Variants in SEPTIN9 observed in about 807,000 individuals in gnomAD.
SEPTIN9 encodes the protein septin 9.
SEPTIN9 carries 13 observed loss-of-function variants against 56.6 expected under a neutral mutation model. That is an observed-to-expected ratio of 0.23 (90% CI 0.15 to 0.37). The LOEUF (loss-of-function observed/expected upper bound fraction) is 0.37, where lower values mean the gene tolerates loss of function less well. SEPTIN9 is among the 10% of genes least tolerant of loss of function. The pLI is 1.00. For synonymous variants in SEPTIN9, 332 were observed against 334.1 expected (o/e 0.99, Z 0.07); for missense variants, 650 against 823.1 (o/e 0.79, Z 2.57).
chr17:77,356,598 G>T (rs886783933), intron 2 of SEPTIN9, among the ~76,000 whole-genome samples: 41 of 147,604 alleles, frequency 2.8e-4, no homozygotes, highest in African/African-American at 1.0e-3. Flanking sequence ...CATGAAGGGG[G>T]CTGCTCCTCC....
intron 3 of SEPTIN9, among the ~76,000 whole-genome samples, chr17:77,467,010 G>A (rs540830959): frequency 6.6e-6 from 1 of 152,310 alleles, no homozygotes; most frequent in East Asian, 1.9e-4. Flanking sequence ...GCCCCTGGCA[G>A]TGTCTCAGTT....
At chr17:77,484,979 G>A (rs111210975) in intron 4 of SEPTIN9, among the ~76,000 whole-genome samples, 1 of 778 alleles carries the variant, frequency 1.3e-3, no homozygotes, top group South Asian at 0.024. Flanking sequence ...GGGGGTGATG[G>A]TGGTGATTGT....
At chr17:77,410,460 G>A (rs145375369) in intron 3 of SEPTIN9, among the ~76,000 whole-genome samples, 3 of 152,314 alleles carry the variant, frequency 2.0e-5, no homozygotes, top group Admixed American at 6.5e-5. Context: ...TCCATCTGCC[G>A]CCTTCCAAAA....
chr17:77,459,093 C>A (rs1195443473), intron 3 of SEPTIN9, among the ~76,000 whole-genome samples: 1 of 152,248 alleles, frequency 6.6e-6, no homozygotes, highest in Non-Finnish European at 1.5e-5. Flanking sequence ...ACCAGCCCTG[C>A]TGAGCCTGCA....
Position 77,437,174 on chromosome 17 carries a change from C to T in SEPTIN9, c.721+34471C>T, listed in dbSNP as rs2144319617. On this transcript the variant is annotated intron_variant, in intron 3 of 11. Coordinates refer to ENST00000427177, the MANE Select transcript of SEPTIN9 (RefSeq NM_001113491.2). The surrounding 1 kb of genome is among the most constrained non-coding windows in gnomAD (Gnocchi z 5.3). ...GGCAGCTGCTGTGATTCTGTGACTC[C>T]TCCTCACCCCACCCCAGTGGGGCCC... 6.6e-6 allele frequency among the ~76,000 whole-genome samples: 1 copy of T among 152,354 alleles called. No homozygotes were observed. Among genetic ancestry groups the T allele is most frequent in the African/African-American group, 2.4e-5 (1 of 41,578 alleles).
At chr17:77,292,255 C>T (rs1205854673) in intron 1 of SEPTIN9, among the ~76,000 whole-genome samples, 2 of 152,212 alleles carry the variant, frequency 1.3e-5, no homozygotes, top group Non-Finnish European at 1.5e-5. Context: ...CCGTTTTGTT[C>T]CTCTTGCCTC....
intron 3 of SEPTIN9, among the ~76,000 whole-genome samples, chr17:77,424,111 C>T (rs1236872492): frequency 1.3e-5 from 2 of 152,270 alleles, no homozygotes; most frequent in Non-Finnish European, 2.9e-5. Flanking sequence ...TGACCACTTA[C>T]TGCGTCCTGA....
chr17:77,308,237 T>C (rs1028512266), intron 2 of SEPTIN9, among the ~76,000 whole-genome samples: 2 of 152,234 alleles, frequency 1.3e-5, no homozygotes, highest in African/African-American at 4.8e-5. Context: ...TGTGCCTTCA[T>C]GAATTAGCCA....
In SEPTIN9 at chr17:77,332,550, T is replaced by C. The variant is rs188434780; in HGVS notation, c.76+25353T>C. 1.4e-4 allele frequency among the ~76,000 whole-genome samples: 21 copies of C among 152,314 alleles called. No individual in the cohort carries two copies. In the East Asian group the frequency reaches 4.0e-3, roughly 29 times the overall value. On this transcript the variant is annotated intron_variant, in intron 2 of 11. Coordinates refer to ENST00000427177, the MANE Select transcript of SEPTIN9 (RefSeq NM_001113491.2). ...TTTTGTTTTTCTTTGAAGTAAAATGTATATACCCTGAGATGCACAGGTGTG... is the reference window on the plus strand; with the variant it reads ...TTTTGTTTTTCTTTGAAGTAAAATGCATATACCCTGAGATGCACAGGTGTG...
At chr17:77,343,847 T>TGG (rs1423924628) in intron 2 of SEPTIN9, among the ~76,000 whole-genome samples, 1 of 151,576 alleles carries the variant, frequency 6.6e-6, no homozygotes, top group African/African-American at 2.4e-5. Flanking sequence ...TGAATGAGAG[T>TGG]GGAGAGATAG....
intron 3 of SEPTIN9, among the ~76,000 whole-genome samples, chr17:77,412,262 C>G (rs995387799): frequency 1.3e-5 from 2 of 152,152 alleles, no homozygotes; most frequent in Admixed American, 6.5e-5. Context: ...AGTGATGGTC[C>G]AGCAGGGAGG....
At chr17:77,482,894 G>T in intron 4 of SEPTIN9, 1 of 291,222 alleles carries the variant, frequency 3.4e-6, no homozygotes, top group South Asian at 7.3e-5. Context: ...ACAGTGGGCC[G>T]CCTGTTGTTT....
Position 77,402,590 on chromosome 17 carries a change from G to C in SEPTIN9, c.608G>C (p.Ser203Thr), listed in dbSNP as rs749982717. 1.2e-6 allele frequency: 2 copies of C among 1,612,154 alleles called. No homozygotes were observed. The highest frequency in any genetic ancestry group is 4.5e-5 in the East Asian group (2 of 44,852). Residue 203 changes from serine to threonine, a missense_variant, in exon 3 of 12, where the codon AGC becomes ACC. Ser to Thr is a moderately conservative substitution (Grantham distance 58). Transcript: ENST00000427177. The surrounding 1 kb of genome is among the most constrained non-coding windows in gnomAD (Gnocchi z 6.6). ...CCTGCTGAGGCGCCCACCGCCCCCA[G>C]CCCAGCCCAGACCTTGGAGAATTCA... Reference protein sequence around the residue: ...PKPAEAPTAPSPAQTLENSEP... With the variant: ...PKPAEAPTAPTPAQTLENSEP...
intron 3 of SEPTIN9, among the ~76,000 whole-genome samples, chr17:77,426,699 C>T (rs561989354): frequency 2.8e-4 from 43 of 152,154 alleles, no homozygotes; most frequent in South Asian, 8.3e-4. Context: ...CCCTGTCACC[C>T]GCAGTTAAAA....
chr17:77,427,076 A>C (rs1054454950), intron 3 of SEPTIN9: 9 of 152,264 alleles, frequency 5.9e-5, no homozygotes, highest in Non-Finnish European at 1.0e-4. Flanking sequence ...TCGTGATTGG[A>C]GCTAAGAAGG....
At position 77,499,056 on chromosome 17, in the gene SEPTIN9, T is replaced by C. The variant is rs1379382479; in HGVS notation, c.*398T>C. On this transcript the variant is annotated 3_prime_UTR_variant, in exon 12 of 12. Coordinates refer to ENST00000427177, the MANE Select transcript of SEPTIN9 (RefSeq NM_001113491.2). The stretch of plus-strand genomic sequence containing the variant: ...GCACTTGCAGAGGAGCCCAGTGGGC[T>C]GCACGCTCCCCTCCATCCCCATCGG... 5.6e-6 allele frequency: 3 copies of C among 536,948 alleles called. No individual in the cohort carries two copies. The highest frequency in any genetic ancestry group is 4.6e-5 in the South Asian group (3 of 65,210). The allele number at this position is 536,948 out of a possible 1,614,324, so 33.3% of individuals were successfully genotyped here. A position where few individuals can be genotyped will look rare whatever the true frequency, so the allele number is the denominator to read the frequency against.
chr17:77,404,420 AT>A (rs1292423221), intron 3 of SEPTIN9, among the ~76,000 whole-genome samples: 1 of 151,952 alleles, frequency 6.6e-6, no homozygotes, highest in Admixed American at 6.6e-5. Flanking sequence ...TAATTTTTAA[AT>A]TTTTTTTGTA....
At chr17:77,363,610 A>G (rs1790854425) in intron 2 of SEPTIN9, among the ~76,000 whole-genome samples, 1 of 151,892 alleles carries the variant, frequency 6.6e-6, no homozygotes, top group Non-Finnish European at 1.5e-5. Flanking sequence ...CTGGTCTCGA[A>G]TTCCTGACCT....
intron 1 of SEPTIN9, among the ~76,000 whole-genome samples, chr17:77,295,735 C>G (rs946842420): frequency 1.3e-5 from 2 of 152,112 alleles, no homozygotes; most frequent in Non-Finnish European, 1.5e-5. Context: ...GCCTCACTTC[C>G]CTGCTGTTAG....
Sources: allele counts gnomAD v4.1 joint callset (sites outside exome capture counted in the v4.1 genomes callset), GRCh38; gene constraint gnomAD v4.1.1; non-coding constraint Gnocchi (gnomAD v3.1); transcripts MANE v1.5; gene names NCBI Gene and HGNC (gene_info 2026-07-23, HGNC 2026-07-21).